The following GNL3L variants were observed in gnomAD, a reference collection of about 807,000 sequenced individuals.
The protein encoded by GNL3L is G protein nucleolar 3 like.
In GNL3L, 4 loss-of-function variants were observed where a neutral mutation model predicts 42.9. That is an observed-to-expected ratio of 0.09 (90% confidence interval 0.05 to 0.21). The LOEUF (loss-of-function observed/expected upper bound fraction) is 0.21. Among genes scored for constraint, GNL3L ranks in the 10% least tolerant of loss-of-function variants. The pLI, the probability that GNL3L is intolerant of heterozygous loss-of-function variation, is 1.00. For synonymous variants in GNL3L, 159 were observed against 176.3 expected, an observed-to-expected ratio of 0.90 and a Z score of 0.78; for missense variants, 412 against 481.7, an observed-to-expected ratio of 0.86 and a Z score of 1.36.
At chrX:54,626,491 G>A (rs1207478564), downstream of GNL3L, among the ~76,000 whole-genome samples, 2 of 111,546 alleles carry the variant, frequency 1.8e-5, no homozygotes, top group Admixed American at 1.9e-4. Context: ...ATAAACATAG[G>A]GGTGCAGGTA....
chrX:54,586,359 G>A lies in GNL3L; in HGVS notation c.*45+25712G>A, dbSNP rs1178687358. 6.4e-5 allele frequency among the ~76,000 whole-genome samples: 7 copies of A among 109,439 alleles called. No homozygotes were observed. The Admixed American group carries it at 7.0e-4, about 11-fold the overall frequency. ...ATTGCTCCAGAGGAAGCACTCATGCGGGGTCCCAAAAGCCCCTGAGTCCTA... is the reference window on the plus strand; with the variant it reads ...ATTGCTCCAGAGGAAGCACTCATGCAGGGTCCCAAAAGCCCCTGAGTCCTA... On this transcript the variant is annotated intron_variant, in intron 16 of 16. Transcript: ENST00000674498.
At chrX:54,541,197 C>G in intron 4 of GNL3L, 76 bp from the exon 5 acceptor site, 1 of 662,058 alleles carries the variant, frequency 1.5e-6, no homozygotes. Flanking sequence ...CGCACCATTT[C>G]CTCTGTCTGT....
intron 9 of GNL3L, among the ~76,000 whole-genome samples, chrX:54,549,373 C>T (rs1378429506): frequency 1.8e-5 from 2 of 111,364 alleles, no homozygotes; most frequent in African/African-American, 6.5e-5. Context: ...ACACACCCAC[C>T]CCAACGCTGC....
At chrX:54,538,393 G>T (rs896529332) in intron 2 of GNL3L, among the ~76,000 whole-genome samples, 1 of 111,666 alleles carries the variant, frequency 9.0e-6, no homozygotes, top group African/African-American at 3.3e-5. Flanking sequence ...AAGGTGGTAA[G>T]AATTAAAGGG....
At chrX:54,632,994 C>T in the GNL3L span, among the ~76,000 whole-genome samples, 2 of 111,138 alleles carry the variant, frequency 1.8e-5, no homozygotes, top group African/African-American at 3.3e-5. Context: ...CTCCTAAGGA[C>T]GGGGCTTCCT....
chrX:54,541,333 A>G lies in GNL3L; in HGVS notation c.250A>G (p.Thr84Ala), dbSNP rs1176101648. The G allele has an allele frequency of 1.7e-6, 2 of 1,209,895 alleles. No homozygotes were observed. The highest frequency in any genetic ancestry group is 3.5e-5 in the South Asian group (2 of 56,961). ...GGAGCAAGAAAGACAAAAACGCAGGACCATTGAGAGCTACTGTCAGGATGT... is the reference window on the plus strand; with the variant it reads ...GGAGCAAGAAAGACAAAAACGCAGGGCCATTGAGAGCTACTGTCAGGATGT... ...AREQERQKRR[T>A]IESYCQDVLR... Residue 84 changes from threonine (T) to alanine (A), a missense_variant, in exon 5 of 16, where the codon ACC (threonine) becomes GCC (alanine). Physicochemically the swap from Thr to Ala is moderately conservative, Grantham distance 58. Coordinates refer to ENST00000360845, the MANE Select transcript of GNL3L (RefSeq NM_001184819.2).
At chrX:54,593,752 C>A (rs1925897288) in intron 16 of GNL3L, among the ~76,000 whole-genome samples, 1 of 111,114 alleles carries the variant, frequency 9.0e-6, no homozygotes, top group Admixed American at 9.6e-5. Flanking sequence ...AACTTCCCCT[C>A]TTAGCACGGC....
At chrX:54,610,287 C>T (rs183848879) in intron 16 of GNL3L, among the ~76,000 whole-genome samples, 42 of 111,072 alleles carry the variant, frequency 3.8e-4, no homozygotes, top group Non-Finnish European at 7.6e-5. Context: ...ACGATCATAT[C>T]GTCAGCAAAC....
downstream of GNL3L, among the ~76,000 whole-genome samples, chrX:54,567,968 CTTT>C (rs537874465): frequency 5.3e-5 from 5 of 95,077 alleles, no homozygotes; most frequent in Non-Finnish European, 2.1e-5. Context: ...ATGTATTATT[CTTT>C]TTTTTTTTTT....
rs1569542627 is a variant in GNL3L, at chrX:54,607,069, TTTCTCTTTCTTTC to T, written c.*46-13771_*46-13759del. Among the ~76,000 whole-genome samples, 193 of 60,870 alleles carry T rather than the reference TTTCTCTTTCTTTC, an allele frequency of 3.2e-3. 5 individuals carry two copies. The highest frequency in any genetic ancestry group is 0.011 in the African/African-American group (107 of 9,960). 52.9% of individuals were successfully genotyped at this position (60,870 alleles called of 115,157 possible). A position where few individuals can be genotyped will look rare whatever the true frequency, so the allele number is the denominator to read the frequency against. ...CTTTCTTTCTTTCTTTCTTTCTTTC[TTTCTCTTTCTTTC>T]TTCTTTCTTTCTTTCTTTCTTTCTT... is the stretch of plus-strand genomic sequence containing the variant. On this transcript the variant is annotated intron_variant, in intron 16 of 16. Transcript: ENST00000674498.
At chrX:54,634,474 AT>A in the GNL3L span, among the ~76,000 whole-genome samples, 15,559 of 102,310 alleles carry the variant, frequency 0.15, 1,912 homozygotes, top group African/African-American at 0.42. Context: ...GCTAATTTGT[AT>A]TTTTTTTTGT....
rs180844451 is a variant in GNL3L at position 54,559,935 on chromosome X, C to T, written c.1667-585C>T. 9.7e-4 allele frequency among the ~76,000 whole-genome samples: 108 copies of T among 111,487 alleles called. 1 individual carries two copies. The highest frequency in any genetic ancestry group is 1.9e-3 in the Admixed American group (20 of 10,381). ...GTCTTATTAGGGAGTGAGGAGGAGA[C>T]AAGAAAACAGACCTTGGCAGCACGA... On this transcript the variant is annotated intron_variant, in intron 15 of 15. Transcript: ENST00000360845.
intron 16 of GNL3L, among the ~76,000 whole-genome samples, chrX:54,581,854 A>G (rs1925719150): frequency 8.9e-6 from 1 of 112,176 alleles, no homozygotes; most frequent in African/African-American, 3.2e-5. Flanking sequence ...ACTGTTATCA[A>G]TAAAGCTAGG....
chrX:54,549,086 A>C (rs1041958432), intron 9 of GNL3L, among the ~76,000 whole-genome samples: 4 of 111,544 alleles, frequency 3.6e-5, no homozygotes, highest in African/African-American at 1.3e-4. Flanking sequence ...GGAAGGGTAG[A>C]GATAACCCAT....
At chrX:54,533,324 T>C (rs190547212) in intron 2 of GNL3L, among the ~76,000 whole-genome samples, 1 of 104,097 alleles carries the variant, frequency 9.6e-6, no homozygotes, top group East Asian at 3.0e-4. Flanking sequence ...GCCAAGATCA[T>C]GCCACTGCAC....
the GNL3L span, among the ~76,000 whole-genome samples, chrX:54,640,486 C>T: frequency 8.9e-5 from 10 of 112,197 alleles, no homozygotes; most frequent in Non-Finnish European, 1.9e-4. Flanking sequence ...CCACAGCCGT[C>T]ATCTCTCAGC....
Position 54,548,299 on chromosome X carries a change from A to C in GNL3L, c.701A>C (p.Glu234Ala), listed in dbSNP as rs1182392277. ...LLKSKACFGA[E>A]NLMRVLGNYC... ...AAAAGCAAAGCCTGCTTTGGAGCTG[A>C]AAACCTCATGAGGGTTCTGGGGAAC... The change falls in exon 9 of 16, where the codon GAA becomes GCA. Residue 234 changes from glutamate (E) to alanine (A), a missense_variant. Coordinates refer to ENST00000360845, the MANE Select transcript of GNL3L (RefSeq NM_001184819.2). 3 of 1,203,871 alleles carry C rather than the reference A, an allele frequency of 2.5e-6. No homozygotes were observed. Among genetic ancestry groups the C allele is most frequent in the Non-Finnish European group, 3.4e-6 (3 of 888,603 alleles).
chrX:54,615,110 A>G (rs1247367478), intron 16 of GNL3L, among the ~76,000 whole-genome samples: 1 of 112,128 alleles, frequency 8.9e-6, no homozygotes, highest in African/African-American at 3.2e-5. Context: ...CTACCAATCT[A>G]CATTCTTTTT....
At chrX:54,555,114 A>G (rs1188749586) in intron 14 of GNL3L, among the ~76,000 whole-genome samples, 1 of 109,058 alleles carries the variant, frequency 9.2e-6, no homozygotes, top group Non-Finnish European at 1.9e-5. Flanking sequence ...CCAGGTTCAC[A>G]TGATTCTCCT....
Sources: gnomAD v4.1 joint callset for allele counts (sites outside exome capture counted in the v4.1 genomes callset) on GRCh38, gnomAD v4.1.1 for gene constraint, MANE v1.5 for transcripts, NCBI Gene and HGNC (gene_info 2026-07-23, HGNC 2026-07-21) for gene names.